RAB40B: variants seen among roughly 807,000 people sequenced by gnomAD.
The protein encoded by RAB40B is RAB40B, member RAS oncogene family.
Under a neutral mutation model 24.0 loss-of-function variants are expected in RAB40B, and 21 were observed. That is an observed-to-expected ratio of 0.88 (90% CI 0.62 to 1.26). The LOEUF (loss-of-function observed/expected upper bound fraction) is 1.26, where lower values mean the gene tolerates loss of function less well. RAB40B is among the 50% of genes most tolerant of loss of function. The pLI, the probability that RAB40B is intolerant of heterozygous loss-of-function variation, is 0.00. For synonymous variants in RAB40B, 167 were observed against 169.8 expected (o/e 0.98, Z 0.13); for missense variants, 348 against 390.5 (o/e 0.89, Z 0.92).
chr17:82,670,565 T>C (rs529056480), intron 1 of RAB40B, among the ~76,000 whole-genome samples: 34 of 149,078 alleles, frequency 2.3e-4, no homozygotes, highest in African/African-American at 8.2e-4. Flanking sequence ...GACGGAGTCT[T>C]ACTCTGTCGC....
At chr17:82,695,944 T>A (rs764231638) in intron 1 of RAB40B, among the ~76,000 whole-genome samples, 1 of 151,936 alleles carries the variant, frequency 6.6e-6, no homozygotes, top group Non-Finnish European at 1.5e-5. Flanking sequence ...TGGTGCGATC[T>A]CTGCAACCTC....
intron 1 of RAB40B, among the ~76,000 whole-genome samples, chr17:82,676,445 C>G (rs186528154): frequency 2.7e-5 from 4 of 149,760 alleles, no homozygotes; most frequent in Admixed American, 6.6e-5. Flanking sequence ...TCTCCCCCCC[C>G]ACACAGGGCA....
chr17:82,672,509 G>C (rs1026362879), intron 1 of RAB40B, among the ~76,000 whole-genome samples: 1 of 152,230 alleles, frequency 6.6e-6, no homozygotes, highest in East Asian at 1.9e-4. Flanking sequence ...TAAACTTCAC[G>C]TTAGAAAGGT....
intron 2 of RAB40B, chr17:82,661,345 G>T: frequency 9.4e-7 from 1 of 1,067,204 alleles, no homozygotes; most frequent in Non-Finnish European, 1.2e-6. Context: ...TAAAAAACTT[G>T]TTGAATCTGA....
rs965399163 is a variant in RAB40B at position 82,663,624 on chromosome 17, G to A, written c.203+872C>T. The stretch of plus-strand genomic sequence containing the variant: ...AGAGCCAGCAGCCCCAGGCTGGCCA[G>A]CAAGTCCTCACCTCCCCACGTCTGG... On this transcript the variant is annotated intron_variant, in intron 2 of 5. Coordinates refer to ENST00000571995, the MANE Select transcript of RAB40B (RefSeq NM_006822.3). This position sits in a 1 kb window ranked among gnomAD's most constrained non-coding sequence, Gnocchi z 6.2. Among the ~76,000 whole-genome samples the A allele has an allele frequency of 6.6e-5, 10 of 152,178 alleles. No homozygotes were observed. In the East Asian group the frequency reaches 1.7e-3, roughly 26 times the overall value.
At chr17:82,685,492 G>A (rs1377515003) in intron 1 of RAB40B, among the ~76,000 whole-genome samples, 2 of 152,146 alleles carry the variant, frequency 1.3e-5, no homozygotes, top group Non-Finnish European at 2.9e-5. Context: ...GGGTCCCAAG[G>A]AGACAGCCCA....
chr17:82,685,868 A>G (rs1470171300), intron 1 of RAB40B, among the ~76,000 whole-genome samples: 1 of 149,974 alleles, frequency 6.7e-6, no homozygotes, highest in Non-Finnish European at 1.5e-5. Flanking sequence ...CGATGGTGCG[A>G]TCTCAGCTCA....
At chr17:82,680,178 T>C (rs2046435545) in intron 1 of RAB40B, among the ~76,000 whole-genome samples, 1 of 151,868 alleles carries the variant, frequency 6.6e-6, no homozygotes, top group Non-Finnish European at 1.5e-5. Context: ...GCTCTCAGGG[T>C]GGGGTGACCT....
chr17:82,657,860 T>C lies in RAB40B; in HGVS notation c.*3A>G, dbSNP rs566119292. The C allele has an allele frequency of 6.6e-7, 1 of 1,523,924 alleles. No individual in the cohort carries two copies. The highest frequency in any genetic ancestry group is 8.9e-7 in the Non-Finnish European group (1 of 1,125,772). 94.4% of individuals were successfully genotyped at this position (1,523,924 alleles called of 1,614,324 possible). On this transcript the variant is annotated 3_prime_UTR_variant, in exon 6 of 6. Coordinates refer to ENST00000571995, the MANE Select transcript of RAB40B (RefSeq NM_006822.3). ...TTCCGCCGTGTTTCTTTCAGTGCCT[T>C]CCTTAAGAAATTTTGCAGCTGTTTC...
chr17:82,664,797 C>G, intron 1 of RAB40B: 1 of 480,498 alleles, frequency 2.1e-6, no homozygotes, highest in Non-Finnish European at 3.8e-6. Flanking sequence ...CTCGCATCAC[C>G]CTGGCCCAGG....
intron 1 of RAB40B, among the ~76,000 whole-genome samples, chr17:82,673,105 G>A (rs1394870368): frequency 6.6e-6 from 1 of 152,198 alleles, no homozygotes; most frequent in Non-Finnish European, 1.5e-5. Context: ...TTGGGAGGCT[G>A]AGGCAGGAGA....
In RAB40B at chr17:82,658,732, G is replaced by A. The variant is rs779235470; in HGVS notation, c.343-19C>T. On this transcript the variant is annotated intron_variant, in intron 4 of 5. Transcript: ENST00000571995. ...GGGCATGCTAGCGGGCAGGAGAAAGGCGAGGAGCATGGGTTACTTCAGTGA... is the reference window on the plus strand; with the variant it reads ...GGGCATGCTAGCGGGCAGGAGAAAGACGAGGAGCATGGGTTACTTCAGTGA... 6.3e-7 allele frequency: 1 copy of A among 1,597,416 alleles called. No homozygotes were observed. The highest frequency in any genetic ancestry group is 8.5e-7 in the Non-Finnish European group (1 of 1,170,446).
chr17:82,694,498 C>G (rs1017753669), intron 1 of RAB40B, among the ~76,000 whole-genome samples: 1 of 151,510 alleles, frequency 6.6e-6, no homozygotes, highest in Admixed American at 6.6e-5. Context: ...CACCACTGCA[C>G]TCCAACCTGG....
Position 82,697,152 on chromosome 17 carries a change from C to A in RAB40B, c.142+1303G>T, listed in dbSNP as rs539991108. The stretch of plus-strand genomic sequence containing the variant: ...AGCCCAAGCCCATCTCAGCTGCTCC[C>A]CCAAACTCTGCCCATTCCTCACCCC... On this transcript the variant is annotated intron_variant, in intron 1 of 5. Transcript: ENST00000571995. The surrounding 1 kb of genome is among the most constrained non-coding windows in gnomAD (Gnocchi z 4.9). 6.6e-6 allele frequency among the ~76,000 whole-genome samples: 1 copy of A among 152,114 alleles called. No homozygotes were observed. Among genetic ancestry groups the A allele is most frequent in the Non-Finnish European group, 1.5e-5 (1 of 67,998 alleles).
Position 82,697,762 on chromosome 17 carries a change from T to A in RAB40B, c.142+693A>T, listed in dbSNP as rs527852275. On this transcript the variant is annotated intron_variant, in intron 1 of 5. Coordinates refer to ENST00000571995, the MANE Select transcript of RAB40B (RefSeq NM_006822.3). This position sits in a 1 kb window ranked among gnomAD's most constrained non-coding sequence, Gnocchi z 4.9. ...GCTTTCAAGCCTCAAACTTGGGGGA[T>A]CCCCGGGCTGCCTGCCTGGGAGCTC... Among the ~76,000 whole-genome samples, 9 of 152,158 alleles carry A rather than the reference T, an allele frequency of 5.9e-5. No homozygotes were observed. The South Asian group carries it at 1.2e-3, about 21-fold the overall frequency.
chr17:82,680,838 T>C (rs2046441664), intron 1 of RAB40B, among the ~76,000 whole-genome samples: 2 of 152,018 alleles, frequency 1.3e-5, no homozygotes, highest in African/African-American at 4.8e-5. Context: ...GAGACCAGCC[T>C]GGATAACATG....
intron 4 of RAB40B, 141 bp from the exon 5 acceptor site, chr17:82,658,854 G>T: frequency 2.8e-6 from 2 of 718,310 alleles, no homozygotes; most frequent in Non-Finnish European, 2.3e-6. Context: ...CGTTTGGAAA[G>T]ACCGTCTTTG....
chr17:82,695,214 A>G (rs1476592003), intron 1 of RAB40B, among the ~76,000 whole-genome samples: 3 of 147,520 alleles, frequency 2.0e-5, no homozygotes, highest in Admixed American at 2.0e-4. Flanking sequence ...TTTTTTCGAG[A>G]CAAAATCTCA....
intron 1 of RAB40B, among the ~76,000 whole-genome samples, chr17:82,671,949 T>C (rs1452472769): frequency 0.014 from 3 of 214 alleles, 1 homozygote; most frequent in Admixed American, 0.33. Flanking sequence ...CTGACACAGC[T>C]CACCCTGTAA....
Sources: allele counts gnomAD v4.1 joint callset (sites outside exome capture counted in the v4.1 genomes callset), GRCh38; gene constraint gnomAD v4.1.1; non-coding constraint Gnocchi (gnomAD v3.1); transcripts MANE v1.5; gene names NCBI Gene and HGNC (gene_info 2026-07-23, HGNC 2026-07-21).